COL13A1: variants seen among roughly 807,000 people sequenced by gnomAD.
The protein encoded by COL13A1 is collagen alpha-1(XIII) chain.
A neutral mutation model predicts 130.9 loss-of-function variants in COL13A1; 89 were observed. The observed-to-expected ratio is 0.68, with a 90% CI of 0.57 to 0.81. The LOEUF is 0.81. COL13A1 is among the 30% of genes least tolerant of loss of function. The pLI, the probability that COL13A1 is intolerant of heterozygous loss-of-function variation, is 0.00. For synonymous variants in COL13A1, 402 were observed against 341.6 expected, an observed-to-expected ratio of 1.18 and a Z score of -1.95; for missense variants, 879 against 934.6, an observed-to-expected ratio of 0.94 and a Z score of 0.78.
chr10:69,935,287 C>A, intron 31 of COL13A1, 63 bp from the exon 32 acceptor site: 1 of 1,414,082 alleles, frequency 7.1e-7, no homozygotes, highest in Non-Finnish European at 9.8e-7. Flanking sequence ...TCCAGCTGGG[C>A]TCTAGGCCCT....
rs370911469 is a variant in COL13A1 at position 69,880,484 on chromosome 10, C to A, written c.463-19C>A. ...CTCCCTGCCCCTCGCTCCCTCTCCC[C>A]CTTCCTCTCTCCCCGCAGGGGTCCC... On this transcript the variant is annotated intron_variant, in intron 6 of 40. Coordinates refer to ENST00000645393, the MANE Select transcript of COL13A1 (RefSeq NM_001368882.1). 29 of 1,507,718 alleles carry A rather than the reference C, an allele frequency of 1.9e-5. No homozygotes were observed. The highest frequency in any genetic ancestry group is 2.7e-5 in the Non-Finnish European group (29 of 1,083,554). The allele number at this position is 1,507,718 out of a possible 1,614,324, so 93.4% of individuals were successfully genotyped here. A position where few individuals can be genotyped will look rare whatever the true frequency, so the allele number is the denominator to read the frequency against.
At chr10:69,805,529 A>C (rs1276175722) in intron 1 of COL13A1, among the ~76,000 whole-genome samples, 1 of 152,190 alleles carries the variant, frequency 6.6e-6, no homozygotes, top group Non-Finnish European at 1.5e-5. Context: ...AAACTAACTA[A>C]AATTAAATAA....
Position 69,945,687 on chromosome 10 carries a change from C to T in COL13A1, c.1985C>T (p.Pro662Leu), listed in dbSNP as rs1318497727. Reference protein sequence around the residue: ...PKGERGSKGDPGMTGPTGAAG... With the variant: ...PKGERGSKGDLGMTGPTGAAG... ...CCATTTCAGGGCAGCAAAGGAGACC[C>T]TGGGATGACAGGACCAACGGGAGCA... The change falls in exon 37 of 41, where the codon CCT becomes CTT. Residue 662 changes from proline to leucine, a missense_variant. Pro to Leu is a moderately conservative substitution (Grantham distance 98). Coordinates refer to ENST00000645393, the MANE Select transcript of COL13A1 (RefSeq NM_001368882.1). 3 of 1,613,012 alleles carry T rather than the reference C, an allele frequency of 1.9e-6. No homozygotes were observed. Among genetic ancestry groups the T allele is most frequent in the Non-Finnish European group, 2.5e-6 (3 of 1,179,570 alleles).
intron 38 of COL13A1, among the ~76,000 whole-genome samples, chr10:69,951,816 G>A (rs1448154381): frequency 6.6e-6 from 1 of 152,180 alleles, no homozygotes; most frequent in Non-Finnish European, 1.5e-5. Context: ...CCAGCATTCA[G>A]TGTCACCCTG....
In COL13A1 at chr10:69,888,774, C is replaced by G. The variant is rs577015742; in HGVS notation, c.576+444C>G. Among the ~76,000 whole-genome samples, 30 of 152,310 alleles carry G rather than the reference C, an allele frequency of 2.0e-4. 1 individual carries two copies. The South Asian group carries it at 5.4e-3, about 27-fold the overall frequency. ...CCGATTGAGACCCCACACGTGTGCT[C>G]AAGTCCACGTGGAGACTGCTTCCCA... On this transcript the variant is annotated intron_variant, in intron 9 of 40. Transcript: ENST00000645393.
chr10:69,834,011 G>C (rs1849437857), intron 2 of COL13A1, among the ~76,000 whole-genome samples: 2 of 152,280 alleles, frequency 1.3e-5, no homozygotes, highest in East Asian at 3.9e-4. Flanking sequence ...GGGTGAATTA[G>C]GGGCAGGAGA....
chr10:69,891,266 C>T (rs1334298039), intron 10 of COL13A1, among the ~76,000 whole-genome samples: 1 of 152,208 alleles, frequency 6.6e-6, no homozygotes, highest in Non-Finnish European at 1.5e-5. Flanking sequence ...AAAAACCTCA[C>T]CCAGGCCAAA....
intron 2 of COL13A1, among the ~76,000 whole-genome samples, chr10:69,858,567 G>T (rs183396462): frequency 1.1e-4 from 16 of 152,218 alleles, no homozygotes; most frequent in Non-Finnish European, 1.6e-4. Context: ...CTGTGTGCAT[G>T]TGTCTAGTTG....
At chr10:69,926,545 C>A (rs1260338694) in intron 26 of COL13A1, among the ~76,000 whole-genome samples, 2 of 152,268 alleles carry the variant, frequency 1.3e-5, no homozygotes, top group African/African-American at 4.8e-5. Flanking sequence ...AGAACCACTT[C>A]TTCAAAGGAG....
rs754521608 is a variant in COL13A1, at chr10:69,802,559, G to A, written c.136G>A (p.Gly46Arg). ...ACGGCTGCCGAGTCCAGGGTCGTGC[G>A]GGCTGCTGACGCTGGCCCTCTGCTC... is the stretch of plus-strand genomic sequence containing the variant. ...GARLPSPGSC[G>R]LLTLALCSLA... The change falls in exon 1 of 41, where the codon GGG (glycine) becomes AGG (arginine). Residue 46 changes from glycine (G) to arginine (R), a missense_variant. Coordinates refer to ENST00000645393, the MANE Select transcript of COL13A1 (RefSeq NM_001368882.1). 3 of 1,609,392 alleles carry A rather than the reference G, an allele frequency of 1.9e-6. No individual in the cohort carries two copies. The South Asian group carries it at 3.3e-5, about 18-fold the overall frequency.
rs139722761 is a variant in COL13A1 at position 69,945,811 on chromosome 10, A to G, written c.2022+87A>G. ...CGGCCGGCCGGGCATGGTGGCTCACACCTGTAATCCCAGCACTTTGGGAGG... is the reference window on the plus strand; with the variant it reads ...CGGCCGGCCGGGCATGGTGGCTCACGCCTGTAATCCCAGCACTTTGGGAGG... On this transcript the variant is annotated intron_variant, in intron 37 of 40. Transcript: ENST00000645393. 9.4e-4 allele frequency: 1,429 copies of G among 1,514,508 alleles called. 9 individuals are homozygous for G. The African/African-American group carries it at 0.015, about 16-fold the overall frequency. The allele number at this position is 1,514,508 out of a possible 1,614,324, so 93.8% of individuals were successfully genotyped here. A position where few individuals can be genotyped will look rare whatever the true frequency, so the allele number is the denominator to read the frequency against.
chr10:69,885,637 C>T (rs1350830697), intron 7 of COL13A1, among the ~76,000 whole-genome samples: 4 of 152,162 alleles, frequency 2.6e-5, no homozygotes, highest in East Asian at 1.9e-4. Context: ...ATCCCTACCA[C>T]GTAAACATTG....
At chr10:69,820,348 G>A (rs1246352051) in intron 1 of COL13A1, among the ~76,000 whole-genome samples, 1 of 152,230 alleles carries the variant, frequency 6.6e-6, no homozygotes, top group African/African-American at 2.4e-5. Context: ...TGCTGAGTGG[G>A]TGACAACTCC....
chr10:69,918,388 C>T, intron 19 of COL13A1, 71 bp downstream of exon 19: 1 of 1,522,488 alleles, frequency 6.6e-7, no homozygotes. Flanking sequence ...AGCTGGAAAT[C>T]TTAGACTCAG....
At chr10:69,925,037 C>T (rs746538000) in intron 25 of COL13A1, 30 bp downstream of exon 25, 11 of 1,513,012 alleles carry the variant, frequency 7.3e-6, no homozygotes, top group Middle Eastern at 1.8e-4. Flanking sequence ...GGAGTCACAG[C>T]GTGAAGCGGC....
At chr10:69,864,960 A>G (rs1450460896) in intron 2 of COL13A1, among the ~76,000 whole-genome samples, 1 of 152,234 alleles carries the variant, frequency 6.6e-6, no homozygotes, top group African/African-American at 2.4e-5. Flanking sequence ...CCCTGCTGCA[A>G]GAAACAGGTT....
intron 2 of COL13A1, chr10:69,829,256 C>T: frequency 5.1e-6 from 5 of 985,456 alleles, no homozygotes; most frequent in Non-Finnish European, 4.8e-6. Context: ...CTGACCTCCT[C>T]CAAACCCTTC....
At chr10:69,890,439 C>G (rs935797109) in intron 10 of COL13A1, among the ~76,000 whole-genome samples, 2 of 152,232 alleles carry the variant, frequency 1.3e-5, no homozygotes, top group Admixed American at 6.5e-5. Context: ...CTGTGAGGGA[C>G]CACCTCCTGC....
At chr10:69,905,091 C>A in intron 16 of COL13A1, 132 bp downstream of exon 16, 1 of 1,071,632 alleles carries the variant, frequency 9.3e-7, no homozygotes, top group East Asian at 2.6e-5. Flanking sequence ...CAAGCTTGAC[C>A]CACTTACAAA....
Sources: allele counts gnomAD v4.1 joint callset (sites outside exome capture counted in the v4.1 genomes callset), GRCh38; gene constraint gnomAD v4.1.1; transcripts MANE v1.5; gene names NCBI Gene and HGNC (gene_info 2026-07-23, HGNC 2026-07-21).